SOX5: variants seen among roughly 807,000 people sequenced by gnomAD.
SOX5 encodes transcription factor SOX-5.
Under a neutral mutation model 92.0 loss-of-function variants are expected in SOX5, and 9 were observed. That is an observed-to-expected ratio of 0.10 (90% CI 0.06 to 0.17). SOX5 has a LOEUF of 0.17. Among genes scored for constraint, SOX5 ranks in the 10% least tolerant of loss-of-function variants. SOX5 has a pLI of 1.00. For missense variants in SOX5, 642 were observed against 944.5 expected (o/e 0.68, Z 4.20); for synonymous variants, 344 against 336.3 (o/e 1.02, Z -0.25).
intron 3 of SOX5, among the ~76,000 whole-genome samples, chr12:23,757,584 C>T (rs1029896924): frequency 6.6e-6 from 1 of 151,864 alleles, no homozygotes; most frequent in African/African-American, 2.4e-5. Context: ...TTTTCCAGCA[C>T]TCTACAAAAA....
intron 4 of SOX5, among the ~76,000 whole-genome samples, chr12:24,145,921 A>G (rs1332857748): frequency 6.6e-6 from 1 of 152,242 alleles, no homozygotes; most frequent in Non-Finnish European, 1.5e-5. Flanking sequence ...TGAAGAGGTC[A>G]ATTTATCAAG....
chr12:24,234,357 A>G (rs1435759436), intron 3 of SOX5, among the ~76,000 whole-genome samples: 1 of 152,198 alleles, frequency 6.6e-6, no homozygotes, highest in Non-Finnish European at 1.5e-5. Context: ...GCTTCCTAAA[A>G]TACACCACAT....
intron 1 of SOX5, among the ~76,000 whole-genome samples, chr12:24,373,741 A>C (rs1956974202): frequency 1.3e-5 from 2 of 152,204 alleles, no homozygotes; most frequent in African/African-American, 4.8e-5. Flanking sequence ...AGGAATATTG[A>C]AATTATTTAC....
chr12:23,840,709 A>G (rs555282179), intron 3 of SOX5, among the ~76,000 whole-genome samples: 1 of 152,292 alleles, frequency 6.6e-6, no homozygotes, highest in Non-Finnish European at 1.5e-5. Context: ...TTTAGCAAGG[A>G]AAAAGGCAAG....
intron 11 of SOX5, among the ~76,000 whole-genome samples, chr12:23,551,832 T>C (rs1368012983): frequency 6.6e-6 from 1 of 151,818 alleles, no homozygotes; most frequent in African/African-American, 2.4e-5. Context: ...AAACCCATAA[T>C]TTTGTTCCAG....
At chr12:23,610,891 G>A (rs10219486) in intron 8 of SOX5, among the ~76,000 whole-genome samples, 59,380 of 151,932 alleles carry the variant, frequency 0.39, 11,783 homozygotes, top group Middle Eastern at 0.49. Flanking sequence ...TTTTCAAAAG[G>A]CAACAGAACC....
chr12:24,482,684 A>G (rs1294786959), intron 1 of SOX5, among the ~76,000 whole-genome samples: 1 of 152,190 alleles, frequency 6.6e-6, no homozygotes, highest in Non-Finnish European at 1.5e-5. Flanking sequence ...TTTCAGGATA[A>G]GTCTTCATTT....
intron 2 of SOX5, among the ~76,000 whole-genome samples, chr12:24,322,604 T>C (rs1950308362): frequency 6.6e-6 from 1 of 152,136 alleles, no homozygotes; most frequent in African/African-American, 2.4e-5. Context: ...TGTTGGTGTC[T>C]CAGTGAGCTG....
chr12:23,871,010 A>C (rs924399772), intron 2 of SOX5, among the ~76,000 whole-genome samples: 27 of 152,156 alleles, frequency 1.8e-4, no homozygotes, highest in Non-Finnish European at 3.5e-4. Flanking sequence ...GAAATACTTA[A>C]CTATGAAGAA....
chr12:23,628,522 G>A (rs1354613578), intron 8 of SOX5, among the ~76,000 whole-genome samples: 1 of 152,020 alleles, frequency 6.6e-6, no homozygotes, highest in African/African-American at 2.4e-5. Context: ...TCATGTTAGA[G>A]GCATTAATTA....
intron 6 of SOX5, among the ~76,000 whole-genome samples, chr12:23,685,317 C>T (rs1028412018): frequency 6.6e-6 from 1 of 151,982 alleles, no homozygotes; most frequent in Non-Finnish European, 1.5e-5. Flanking sequence ...TAGAGAAATC[C>T]TAAGTATAGT....
Position 24,324,794 on chromosome 12 carries a change from C to T in SOX5, c.-174+43769G>A, listed in dbSNP as rs111956715. ...TCATAGGGTTATCATGAAGTTTCAA[C>T]GAATTAATACATATGGGATATAGCA... On this transcript the variant is annotated intron_variant, in intron 2 of 4. Coordinates refer to the SOX5 transcript ENST00000446891. Among the ~76,000 whole-genome samples the T allele has an allele frequency of 8.4e-3, 1,273 of 152,008 alleles. 15 individuals carry two copies. Among genetic ancestry groups the T allele is most frequent in the African/African-American group, 0.028 (1,174 of 41,488 alleles).
At chr12:23,957,732 G>A (rs1946442507) in intron 4 of SOX5, among the ~76,000 whole-genome samples, 1 of 152,086 alleles carries the variant, frequency 6.6e-6, no homozygotes, top group South Asian at 2.1e-4. Flanking sequence ...AAATAATTCA[G>A]AAGGACTATG....
At chr12:24,156,729 C>A (rs7133991) in intron 4 of SOX5, among the ~76,000 whole-genome samples, 39,434 of 151,960 alleles carry the variant, frequency 0.26, 6,152 homozygotes, top group East Asian at 0.79. Flanking sequence ...CAATGGCTTA[C>A]TTCTCAAAAG....
intron 3 of SOX5, among the ~76,000 whole-genome samples, chr12:24,222,288 T>G (rs1471824081): frequency 6.6e-6 from 1 of 152,162 alleles, no homozygotes; most frequent in Non-Finnish European, 1.5e-5. Flanking sequence ...ATGTTAAGAA[T>G]AAGCTTAAAG....
chr12:23,957,686 T>G (rs35577354), intron 4 of SOX5, among the ~76,000 whole-genome samples: 60,754 of 152,018 alleles, frequency 0.4, 13,054 homozygotes, highest in Non-Finnish European at 0.5. Context: ...TTTTTCATGC[T>G]GTTGTTAATA....
chr12:24,146,083 A>C (rs1951049599), intron 4 of SOX5, among the ~76,000 whole-genome samples: 1 of 152,204 alleles, frequency 6.6e-6, no homozygotes, highest in Non-Finnish European at 1.5e-5. Context: ...TGATAGAATA[A>C]GTAAACAGAA....
rs1295712838 is a variant in SOX5 at position 23,846,086 on chromosome 12, A to G, written c.378T>C (p.Ser126=). ...GGRQSGESLS[S]TALGTPERRK... is the part of the protein sequence containing the mutation. ...GCCGTTCAGGAGTTCCCAGGGCTGT[A>G]CTAGACAAGGACTCGCCACTCTGTC... Residue 126 remains serine, a synonymous_variant, in exon 3 of 15, where the codon AGT becomes AGC. Coordinates refer to ENST00000451604, the MANE Select transcript of SOX5 (RefSeq NM_006940.6). The G allele has an allele frequency of 6.2e-7, 1 of 1,614,106 alleles. No homozygotes were observed. The highest frequency in any genetic ancestry group is 2.2e-5 in the East Asian group (1 of 44,876).
intron 4 of SOX5, among the ~76,000 whole-genome samples, chr12:23,976,614 C>T (rs891165485): frequency 2.0e-5 from 3 of 151,902 alleles, no homozygotes; most frequent in Non-Finnish European, 2.9e-5. Flanking sequence ...ATATTGCTTG[C>T]GATGTGATGT....
Sources: gnomAD v4.1 joint callset for allele counts (sites outside exome capture counted in the v4.1 genomes callset) on GRCh38, gnomAD v4.1.1 for gene constraint, MANE v1.5 for transcripts, NCBI Gene and HGNC (gene_info 2026-07-23, HGNC 2026-07-21) for gene names.